Variants in ASIC2 observed in about 807,000 individuals in gnomAD.
ASIC2 encodes acid sensing ion channel subunit 2, also known as acid-sensing ion channel 2.
Under a neutral mutation model 57.3 loss-of-function variants are expected in ASIC2, and 25 were observed. That is an observed-to-expected ratio of 0.44 (90% CI 0.32 to 0.61). ASIC2 has a LOEUF of 0.61. Ranked by LOEUF, ASIC2 falls within the 20% of genes least tolerant of loss-of-function variation. The probability of loss-of-function intolerance (pLI) is 0.06; values close to 1 mark genes in which losing one functional copy is unlikely to be tolerated. For synonymous variants in ASIC2, 319 were observed against 307.5 expected (o/e 1.04, Z -0.39); for missense variants, 641 against 738.1 (o/e 0.87, Z 1.52).
At chr17:33,287,377 G>C (rs1341600590) in intron 1 of ASIC2, among the ~76,000 whole-genome samples, 1 of 152,198 alleles carries the variant, frequency 6.6e-6, no homozygotes, top group African/African-American at 2.4e-5. Flanking sequence ...ATTGGCCTCT[G>C]TTGGTTTCTG....
chr17:33,757,826 C>T (rs1013560846), intron 1 of ASIC2, among the ~76,000 whole-genome samples: 1 of 152,194 alleles, frequency 6.6e-6, no homozygotes, highest in African/African-American at 2.4e-5. Context: ...GCCCCATGTC[C>T]TCCAAACCAA....
intron 1 of ASIC2, among the ~76,000 whole-genome samples, chr17:33,433,160 T>G (rs1911477374): frequency 6.6e-6 from 1 of 152,086 alleles, no homozygotes; most frequent in Non-Finnish European, 1.5e-5. Flanking sequence ...TAAATGCCCA[T>G]CAATAGTAGA....
chr17:33,120,924 T>C (rs1256562394), intron 1 of ASIC2, among the ~76,000 whole-genome samples: 1 of 152,186 alleles, frequency 6.6e-6, no homozygotes, highest in East Asian at 1.9e-4. Flanking sequence ...GCAGCCCTGG[T>C]TTCAAATCCT....
chr17:33,217,413 C>T (rs775270422), intron 1 of ASIC2, among the ~76,000 whole-genome samples: 2 of 152,220 alleles, frequency 1.3e-5, no homozygotes, highest in Non-Finnish European at 2.9e-5. Flanking sequence ...CAAACACACA[C>T]GCACGTACTC....
At chr17:34,091,276 C>G (rs751726593) in intron 1 of ASIC2, among the ~76,000 whole-genome samples, 46 of 152,324 alleles carry the variant, frequency 3.0e-4, no homozygotes, top group Non-Finnish European at 6.2e-4. Context: ...TTCTTAGAGG[C>G]CTTATGAAGA....
chr17:33,959,897 G>T (rs1904864128), intron 1 of ASIC2, among the ~76,000 whole-genome samples: 1 of 152,200 alleles, frequency 6.6e-6, no homozygotes, highest in African/African-American at 2.4e-5. Flanking sequence ...CTTGCATATG[G>T]TGTTCCAGCA....
chr17:33,686,651 C>T (rs1451927455), intron 1 of ASIC2, among the ~76,000 whole-genome samples: 1 of 152,206 alleles, frequency 6.6e-6, no homozygotes, highest in Non-Finnish European at 1.5e-5. Context: ...CAGCTCTGGC[C>T]TTGCAGTCAG....
intron 1 of ASIC2, among the ~76,000 whole-genome samples, chr17:34,108,178 G>C (rs1055229524): frequency 1.3e-5 from 2 of 152,098 alleles, no homozygotes; most frequent in Non-Finnish European, 2.9e-5. Flanking sequence ...ACTCCATTGA[G>C]TGACTGTGCC....
chr17:33,014,082 T>C lies in ASIC2; in HGVS notation c.1591-16A>G. 1 of 1,565,974 alleles carries C rather than the reference T, an allele frequency of 6.4e-7. No homozygotes were observed. Among genetic ancestry groups the C allele is most frequent in the Non-Finnish European group, 8.7e-7 (1 of 1,149,892 alleles). ...CACAAGTACTCTGGAAGGGAAGGGT[T>C]GGTGGGAGTTTATTATTCGCTCAGC... On this transcript the variant is annotated splice_polypyrimidine_tract_variant and intron_variant, in intron 9 of 9. Transcript: ENST00000225823.
At chr17:33,385,870 G>A (rs940591392) in intron 1 of ASIC2, among the ~76,000 whole-genome samples, 3 of 152,194 alleles carry the variant, frequency 2.0e-5, no homozygotes, top group Admixed American at 2.0e-4. Context: ...AGGAGGAATG[G>A]CAAAGCCCTG....
At chr17:33,413,293 T>C (rs1002059604) in intron 1 of ASIC2, among the ~76,000 whole-genome samples, 1 of 152,240 alleles carries the variant, frequency 6.6e-6, no homozygotes, top group South Asian at 2.1e-4. Flanking sequence ...ATTTCTATTA[T>C]AAAGACTAAT....
At chr17:33,239,738 T>A (rs561938825) in intron 1 of ASIC2, among the ~76,000 whole-genome samples, 1 of 152,196 alleles carries the variant, frequency 6.6e-6, no homozygotes, top group Admixed American at 6.5e-5. Context: ...GGGAGAGCCA[T>A]AGAGACATTT....
chr17:33,392,184 T>TTCCTTCCC (rs780542259), intron 1 of ASIC2, among the ~76,000 whole-genome samples: 35 of 48,378 alleles, frequency 7.2e-4, no homozygotes, highest in African/African-American at 2.7e-3. Flanking sequence ...CCTTCCTTCC[T>TTCCTTCCC]TCCTTCCTTC....
rs774139629 is a variant in ASIC2, at chr17:33,112,014, T to G, written c.762A>C (p.Lys254Asn). 6.8e-6 allele frequency: 11 copies of G among 1,613,864 alleles called. No individual in the cohort carries two copies. Among genetic ancestry groups the G allele is most frequent in the Non-Finnish European group, 9.3e-6 (11 of 1,179,930 alleles). ...CYMFNSGEDG[K>N]PLLTTVKGGT... ...CCCCCTTGACCGTGGTGAGCAGAGG[T>G]TTGCCATCCTCGCCTGAGTTAAACA... The change falls in exon 2 of 10, where the codon AAA (lysine) becomes AAC (asparagine). Residue 254 changes from lysine (K) to asparagine (N), a missense_variant. Coordinates refer to ENST00000225823, the MANE Select transcript of ASIC2 (RefSeq NM_183377.2).
chr17:33,411,229 A>G (rs1427158773), intron 1 of ASIC2, among the ~76,000 whole-genome samples: 2 of 152,172 alleles, frequency 1.3e-5, no homozygotes, highest in Non-Finnish European at 2.9e-5. Context: ...CCCTCCTCAG[A>G]ATCCTCATTA....
intron 1 of ASIC2, among the ~76,000 whole-genome samples, chr17:33,158,639 G>A (rs576595032): frequency 6.6e-6 from 1 of 152,206 alleles, no homozygotes; most frequent in African/African-American, 2.4e-5. Flanking sequence ...ATAAAACGCA[G>A]GCTGTGGAGC....
intron 3 of ASIC2, among the ~76,000 whole-genome samples, chr17:33,072,307 A>T (rs1220717918): frequency 2.0e-5 from 3 of 152,038 alleles, no homozygotes; most frequent in African/African-American, 7.2e-5. Flanking sequence ...TGTTTTTCAT[A>T]TATTTTGTTT....
intron 1 of ASIC2, among the ~76,000 whole-genome samples, chr17:33,653,066 A>T (rs1906972422): frequency 6.6e-6 from 1 of 152,138 alleles, no homozygotes; most frequent in Non-Finnish European, 1.5e-5. Flanking sequence ...AATATATTTG[A>T]CCCTCAAGGG....
At position 33,437,132 on chromosome 17, in the gene ASIC2, T is replaced by G. The variant is rs1031631272; in HGVS notation, c.556-325065A>C. On this transcript the variant is annotated intron_variant, in intron 1 of 9. Coordinates refer to the ASIC2 transcript ENST00000359872. Reference sequence around the variant, plus strand: ...TGCCCGCCTCGGCCTCCCAAAGTGCTGGGATTACAGGCGTGAGCCACCGCG... The same window carrying G: ...TGCCCGCCTCGGCCTCCCAAAGTGCGGGGATTACAGGCGTGAGCCACCGCG... Among the ~76,000 whole-genome samples, 9 of 151,978 alleles carry G rather than the reference T, an allele frequency of 5.9e-5. 1 individual carries two copies. The South Asian group carries it at 8.3e-4, about 14-fold the overall frequency.
Sources: allele counts gnomAD v4.1 joint callset (sites outside exome capture counted in the v4.1 genomes callset), GRCh38; gene constraint gnomAD v4.1.1; transcripts MANE v1.5; gene names NCBI Gene and HGNC (gene_info 2026-07-23, HGNC 2026-07-21).